The following PTPRD variants were observed in gnomAD, a reference collection of about 807,000 sequenced individuals.
PTPRD encodes receptor-type tyrosine-protein phosphatase delta.
PTPRD carries 34 observed loss-of-function variants against 214.5 expected under a neutral mutation model. The ratio of observed to expected loss-of-function variants is 0.16; its 90% CI spans 0.12 to 0.21. The LOEUF is 0.21. PTPRD is among the 10% of genes least tolerant of loss of function. The pLI, the probability that PTPRD is intolerant of heterozygous loss-of-function variation, is 1.00. For missense variants in PTPRD, 2,545 were observed against 2,398.7 expected (o/e 1.06, Z -1.27); for synonymous variants, 1,128 against 845.7 (o/e 1.33, Z -5.79).
At chr9:9,382,802 G>A (rs964457342) in intron 9 of PTPRD, among the ~76,000 whole-genome samples, 2 of 151,848 alleles carry the variant, frequency 1.3e-5, no homozygotes, top group African/African-American at 4.8e-5. Flanking sequence ...CCTACTTCTG[G>A]ATATACATTC....
chr9:9,649,478 A>G (rs865823137), intron 7 of PTPRD, among the ~76,000 whole-genome samples: 63 of 152,348 alleles, frequency 4.1e-4, no homozygotes, highest in African/African-American at 1.5e-3. Context: ...TAACTGCATG[A>G]TCTTAAAATG....
At chr9:8,536,674 G>A (rs2140002246) in intron 14 of PTPRD, among the ~76,000 whole-genome samples, 1 of 152,086 alleles carries the variant, frequency 6.6e-6, no homozygotes, top group South Asian at 2.1e-4. Context: ...AATTACCTAG[G>A]AAGGGCTGAG....
chr9:9,374,061 A>G (rs2060186886), intron 9 of PTPRD, among the ~76,000 whole-genome samples: 1 of 152,096 alleles, frequency 6.6e-6, no homozygotes, highest in Non-Finnish European at 1.5e-5. Flanking sequence ...TAAATTAAGA[A>G]AAATGGTACA....
At position 9,596,055 on chromosome 9, in the gene PTPRD, G is replaced by C. The variant is rs546735049; in HGVS notation, c.-286-21274C>G. On this transcript the variant is annotated intron_variant, in intron 7 of 45. Transcript: ENST00000381196. ...TGGTTACATATGTCCTTATGCAAGA[G>C]TTTGTGTTTAATCAAAATATATTCA... 9.2e-5 allele frequency among the ~76,000 whole-genome samples: 14 copies of C among 152,078 alleles called. 1 individual carries two copies. The highest frequency in any genetic ancestry group is 3.4e-4 in the African/African-American group (14 of 41,530).
At chr9:10,003,880 A>C (rs1039558869) in intron 4 of PTPRD, among the ~76,000 whole-genome samples, 1 of 151,794 alleles carries the variant, frequency 6.6e-6, no homozygotes, top group African/African-American at 2.4e-5. Context: ...AAGCCGACAT[A>C]CCCGATTTAT....
intron 11 of PTPRD, among the ~76,000 whole-genome samples, chr9:8,843,976 G>A (rs2097629715): frequency 6.6e-6 from 1 of 152,112 alleles, no homozygotes; most frequent in African/African-American, 2.4e-5. Context: ...TTTCTAATTG[G>A]TATCTGAAAA....
chr9:9,010,317 A>G (rs2099504420), intron 11 of PTPRD, among the ~76,000 whole-genome samples: 1 of 152,192 alleles, frequency 6.6e-6, no homozygotes, highest in Admixed American at 6.5e-5. Flanking sequence ...ATGGGACAAC[A>G]TTATCCATAA....
chr9:9,430,346 G>A (rs986421130), intron 8 of PTPRD, among the ~76,000 whole-genome samples: 9 of 151,172 alleles, frequency 6.0e-5, no homozygotes, highest in Non-Finnish European at 1.0e-4. Flanking sequence ...AACTTACATG[G>A]GTTGTGAAGG....
intron 39 of PTPRD, among the ~76,000 whole-genome samples, chr9:8,351,598 G>T (rs1300899827): frequency 6.6e-6 from 1 of 151,934 alleles, no homozygotes; most frequent in African/African-American, 2.4e-5. Context: ...CTCAGTGATG[G>T]ACTGTCAGAA....
intron 3 of PTPRD, among the ~76,000 whole-genome samples, chr9:10,115,800 C>A (rs977780837): frequency 6.6e-6 from 1 of 151,980 alleles, no homozygotes; most frequent in Non-Finnish European, 1.5e-5. Context: ...TTACTTTTAT[C>A]CAGATGCCTC....
chr9:9,411,707 G>T (rs945547209), intron 8 of PTPRD, among the ~76,000 whole-genome samples: 1 of 152,184 alleles, frequency 6.6e-6, no homozygotes, highest in African/African-American at 2.4e-5. Context: ...GGCAAATGGC[G>T]AGAATGCCTG....
Position 8,376,806 on chromosome 9 carries a change from A to G in PTPRD, c.4387-80T>C, listed in dbSNP as rs766195212. The G allele has an allele frequency of 3.0e-4, 467 of 1,568,980 alleles. 1 individual carries two copies. The highest frequency in any genetic ancestry group is 2.1e-3 in the South Asian group (185 of 86,742). Reference sequence around the variant, plus strand: ...CTTTGCTTTGAGTTGCTGTTGAAGGAAAACAGCTTTTCTGCACTTCATTTT... The same window carrying G: ...CTTTGCTTTGAGTTGCTGTTGAAGGGAAACAGCTTTTCTGCACTTCATTTT... On this transcript the variant is annotated intron_variant, in intron 37 of 45. Transcript: ENST00000381196.
intron 5 of PTPRD, among the ~76,000 whole-genome samples, chr9:9,801,598 G>A (rs2099040569): frequency 6.6e-6 from 1 of 151,890 alleles, no homozygotes; most frequent in African/African-American, 2.4e-5. Context: ...AACTTTTGTT[G>A]GACTAAGAAA....
intron 8 of PTPRD, among the ~76,000 whole-genome samples, chr9:9,434,772 A>AT (rs1302334532): frequency 2.6e-5 from 4 of 151,064 alleles, no homozygotes; most frequent in African/African-American, 7.3e-5. Flanking sequence ...AGTTATGCAC[A>AT]TTTTATTTAG....
chr9:9,890,278 G>C (rs1188083371), intron 5 of PTPRD, among the ~76,000 whole-genome samples: 2 of 151,818 alleles, frequency 1.3e-5, no homozygotes, highest in Non-Finnish European at 2.9e-5. Context: ...GCTCACTGTA[G>C]CCTCCACTTC....
At chr9:8,536,639 T>G (rs76604688) in intron 14 of PTPRD, among the ~76,000 whole-genome samples, 4,366 of 152,060 alleles carry the variant, frequency 0.029, 216 homozygotes, top group African/African-American at 0.099. Context: ...TGCCTATACC[T>G]TTAGCCCTTC....
At chr9:9,254,728 A>G (rs1463614445) in intron 9 of PTPRD, among the ~76,000 whole-genome samples, 87 of 152,178 alleles carry the variant, frequency 5.7e-4, no homozygotes, top group Non-Finnish European at 8.8e-5. Flanking sequence ...ATCTCAGCAT[A>G]CAAACATTTG....
At chr9:8,663,886 C>A (rs2097119536) in intron 12 of PTPRD, among the ~76,000 whole-genome samples, 2 of 142,576 alleles carry the variant, frequency 1.4e-5, no homozygotes, top group Non-Finnish European at 3.0e-5. Flanking sequence ...ATTAAGTCTT[C>A]AAAGTGCATT....
chr9:9,374,610 T>G (rs1320255346), intron 9 of PTPRD, among the ~76,000 whole-genome samples: 2 of 152,204 alleles, frequency 1.3e-5, no homozygotes, highest in Non-Finnish European at 2.9e-5. Context: ...AAGGCCTTAA[T>G]GTAAGACAGT....
Sources: allele counts gnomAD v4.1 joint callset (sites outside exome capture counted in the v4.1 genomes callset), GRCh38; gene constraint gnomAD v4.1.1; transcripts MANE v1.5; gene names NCBI Gene and HGNC (gene_info 2026-07-23, HGNC 2026-07-21).